DNER: variants seen among roughly 807,000 people sequenced by gnomAD.
The protein encoded by DNER is delta and Notch-like epidermal growth factor-related receptor.
DNER carries 33 observed loss-of-function variants against 78.2 expected under a neutral mutation model. The ratio of observed to expected loss-of-function variants is 0.42; its 90% CI spans 0.32 to 0.56. The LOEUF is 0.56. Ranked by LOEUF, DNER falls within the 20% of genes least tolerant of loss-of-function variation. The pLI is 0.11. For synonymous variants in DNER, 417 were observed against 384.8 expected, an observed-to-expected ratio of 1.08 and a Z score of -0.98; for missense variants, 918 against 975.3, an observed-to-expected ratio of 0.94 and a Z score of 0.78.
chr2:229,519,447 T>G (rs560104919), intron 5 of DNER, among the ~76,000 whole-genome samples: 2 of 152,310 alleles, frequency 1.3e-5, no homozygotes, highest in African/African-American at 4.8e-5. Flanking sequence ...AATGCCCAAC[T>G]GACTAGACAT....
intron 1 of DNER, among the ~76,000 whole-genome samples, chr2:229,689,500 A>G (rs1469870575): frequency 6.6e-6 from 1 of 152,242 alleles, no homozygotes; most frequent in Non-Finnish European, 1.5e-5. Flanking sequence ...AAAGCACTGG[A>G]GATGTAACCT....
At chr2:229,488,005 T>C (rs1695313806) in intron 6 of DNER, among the ~76,000 whole-genome samples, 1 of 152,202 alleles carries the variant, frequency 6.6e-6, no homozygotes, top group African/African-American at 2.4e-5. Flanking sequence ...AGAGGCATGG[T>C]AACGATGTGT....
chr2:229,569,646 C>A (rs1255915296), intron 4 of DNER, among the ~76,000 whole-genome samples: 1 of 152,054 alleles, frequency 6.6e-6, no homozygotes, highest in African/African-American at 2.4e-5. Context: ...ATTTATAATA[C>A]CTAATAGAAG....
intron 1 of DNER, among the ~76,000 whole-genome samples, chr2:229,676,302 G>A (rs74001413): frequency 0.13 from 19,514 of 152,200 alleles, 1,502 homozygotes; most frequent in East Asian, 0.33. Context: ...GCCAGGCTTC[G>A]ACCTTGTCAC....
At chr2:229,700,761 A>AC (rs1699732928) in intron 1 of DNER, among the ~76,000 whole-genome samples, 1 of 151,654 alleles carries the variant, frequency 6.6e-6, no homozygotes. Context: ...AAAAATACAA[A>AC]AAAAAAAAAA....
chr2:229,542,878 G>A (rs1696543819), intron 5 of DNER, among the ~76,000 whole-genome samples: 1 of 152,042 alleles, frequency 6.6e-6, no homozygotes, highest in Non-Finnish European at 1.5e-5. Context: ...GTGCGCCAAG[G>A]TGGTGCGTCT....
intron 1 of DNER, among the ~76,000 whole-genome samples, chr2:229,708,497 C>T (rs1459937087): frequency 6.6e-6 from 1 of 152,166 alleles, no homozygotes; most frequent in African/African-American, 2.4e-5. Context: ...GCCACATTGT[C>T]GGGTTTTCTG....
At chr2:229,545,842 G>A (rs752839207) in intron 5 of DNER, among the ~76,000 whole-genome samples, 10 of 152,114 alleles carry the variant, frequency 6.6e-5, no homozygotes, top group Non-Finnish European at 1.0e-4. Context: ...GCCTCTTCTC[G>A]GTTTCTTCTC....
At chr2:229,545,074 T>C (rs920688904) in intron 5 of DNER, among the ~76,000 whole-genome samples, 1 of 152,158 alleles carries the variant, frequency 6.6e-6, no homozygotes, top group African/African-American at 2.4e-5. Context: ...CTTTTGGGGT[T>C]TGGGAATCCA....
intron 6 of DNER, among the ~76,000 whole-genome samples, chr2:229,477,607 T>C (rs1695063670): frequency 6.6e-6 from 1 of 152,214 alleles, no homozygotes; most frequent in Admixed American, 6.5e-5. Context: ...ATTTACAGTG[T>C]TCAGCTTGAT....
At chr2:229,475,316 C>T (rs1471424622) in intron 7 of DNER, among the ~76,000 whole-genome samples, 3 of 152,178 alleles carry the variant, frequency 2.0e-5, no homozygotes, top group Admixed American at 6.5e-5. Context: ...CGGGGCTCAC[C>T]CAGCCCTGCA....
intron 8 of DNER, among the ~76,000 whole-genome samples, chr2:229,426,440 C>CAAAAAA (rs58842918): frequency 2.2e-4 from 15 of 69,194 alleles, no homozygotes; most frequent in East Asian, 5.4e-4. Flanking sequence ...GACTCCATCT[C>CAAAAAA]AAAAAAAAAA....
intron 12 of DNER, among the ~76,000 whole-genome samples, chr2:229,363,526 G>T (rs530213730): frequency 6.6e-6 from 1 of 152,206 alleles, no homozygotes; most frequent in African/African-American, 2.4e-5. Flanking sequence ...CTGAATAAAC[G>T]TTCAGAAGAG....
chr2:229,493,341 A>G (rs1237879894), intron 6 of DNER, among the ~76,000 whole-genome samples: 1 of 152,216 alleles, frequency 6.6e-6, no homozygotes, highest in Non-Finnish European at 1.5e-5. Context: ...TTTCAGAAAA[A>G]GAAATAGCTC....
intron 4 of DNER, among the ~76,000 whole-genome samples, chr2:229,554,993 GAA>G: frequency 1.1e-5 from 1 of 91,992 alleles, no homozygotes; most frequent in Non-Finnish European, 2.4e-5. Context: ...AGGGAAGGGA[GAA>G]AGGAAGGAAA....
At chr2:229,563,506 TCAA>T (rs1280572695) in intron 4 of DNER, among the ~76,000 whole-genome samples, 19 of 145,926 alleles carry the variant, frequency 1.3e-4, no homozygotes, top group East Asian at 4.2e-4. Flanking sequence ...ATCATCATCA[TCAA>T]CATCATCATC....
intron 6 of DNER, among the ~76,000 whole-genome samples, chr2:229,483,410 T>C (rs1695207195): frequency 6.6e-6 from 1 of 152,234 alleles, no homozygotes; most frequent in Non-Finnish European, 1.5e-5. Flanking sequence ...AATCTGTGCC[T>C]ATTGGTATGC....
chr2:229,387,515 G>GAGAGAAAGA (rs1692906016), intron 11 of DNER, among the ~76,000 whole-genome samples: 2 of 73,580 alleles, frequency 2.7e-5, no homozygotes, highest in African/African-American at 5.3e-5. Context: ...AAGAGAGAAA[G>GAGAGAAAGA]AAAGAAAGAA....
intron 5 of DNER, among the ~76,000 whole-genome samples, chr2:229,525,120 G>A (rs1696184390): frequency 1.3e-5 from 2 of 152,172 alleles, no homozygotes. Flanking sequence ...ATCACAGGCT[G>A]CAGCTAAAAA....
Sources: gnomAD v4.1 joint callset for allele counts (sites outside exome capture counted in the v4.1 genomes callset) on GRCh38, gnomAD v4.1.1 for gene constraint, MANE v1.5 for transcripts, NCBI Gene and HGNC (gene_info 2026-07-23, HGNC 2026-07-21) for gene names.